DKK2: variants seen among roughly 807,000 people sequenced by gnomAD.
The protein encoded by DKK2 is dickkopf Wnt signaling pathway inhibitor 2.
A neutral mutation model predicts 28.1 loss-of-function variants in DKK2; 11 were observed. That is an observed-to-expected ratio of 0.39 (90% CI 0.25 to 0.65). The LOEUF is 0.65. Ranked by LOEUF, DKK2 falls within the 30% of genes least tolerant of loss-of-function variation. The pLI is 0.47. For synonymous variants in DKK2, 135 were observed against 126.5 expected, an observed-to-expected ratio of 1.07 and a Z score of -0.45; for missense variants, 326 against 335.5, an observed-to-expected ratio of 0.97 and a Z score of 0.22.
intron 1 of DKK2, among the ~76,000 whole-genome samples, chr4:106,937,193 C>T (rs1217720075): frequency 2.7e-5 from 4 of 148,432 alleles, no homozygotes; most frequent in Non-Finnish European, 4.5e-5. Flanking sequence ...AGAGTCAAAA[C>T]CCATCAGTGT....
chr4:106,967,061 C>T (rs545657823), intron 1 of DKK2, among the ~76,000 whole-genome samples: 3 of 152,176 alleles, frequency 2.0e-5, no homozygotes, highest in Admixed American at 2.0e-4. Flanking sequence ...TTTACAGTTA[C>T]TAATAGGATA....
chr4:106,966,644 G>C (rs1173443230), intron 1 of DKK2, among the ~76,000 whole-genome samples: 1 of 152,080 alleles, frequency 6.6e-6, no homozygotes, highest in Non-Finnish European at 1.5e-5. Flanking sequence ...TTCTCTGGAG[G>C]CTGCCTCTGA....
At chr4:106,945,645 G>T (rs373120954) in intron 1 of DKK2, among the ~76,000 whole-genome samples, 1 of 152,242 alleles carries the variant, frequency 6.6e-6, no homozygotes, top group African/African-American at 2.4e-5. Flanking sequence ...AGAAAAACAT[G>T]TTTGGATGTA....
At chr4:106,939,263 G>A (rs1724652081) in intron 1 of DKK2, among the ~76,000 whole-genome samples, 1 of 152,154 alleles carries the variant, frequency 6.6e-6, no homozygotes, top group African/African-American at 2.4e-5. Flanking sequence ...CTTCAGCAAA[G>A]TCTCGGGATA....
intron 1 of DKK2, among the ~76,000 whole-genome samples, chr4:106,999,992 T>C (rs1323196102): frequency 6.6e-6 from 1 of 151,992 alleles, no homozygotes; most frequent in African/African-American, 2.4e-5. Context: ...CAAAAAGAAG[T>C]ATAGAAAGAT....
chr4:106,979,818 T>C (rs941962852), intron 1 of DKK2, among the ~76,000 whole-genome samples: 3 of 152,254 alleles, frequency 2.0e-5, no homozygotes, highest in Admixed American at 1.3e-4. Flanking sequence ...TTCTGTCTTT[T>C]CTCATACATC....
At chr4:106,974,184 A>C (rs1005797754) in intron 1 of DKK2, among the ~76,000 whole-genome samples, 1 of 152,094 alleles carries the variant, frequency 6.6e-6, no homozygotes, top group Non-Finnish European at 1.5e-5. Flanking sequence ...TGATGCCTCC[A>C]GTTTTCTTCT....
At chr4:106,982,425 A>C (rs1723039839) in intron 1 of DKK2, among the ~76,000 whole-genome samples, 1 of 152,196 alleles carries the variant, frequency 6.6e-6, no homozygotes, top group East Asian at 1.9e-4. Context: ...AACACACCCA[A>C]ACAGAAAGAA....
chr4:107,024,346 G>T (rs181782507), intron 1 of DKK2, among the ~76,000 whole-genome samples: 284 of 152,222 alleles, frequency 1.9e-3, no homozygotes, highest in Non-Finnish European at 2.9e-3. Context: ...AAAGCTGTTT[G>T]TAGCCTGCCT....
intron 1 of DKK2, among the ~76,000 whole-genome samples, chr4:107,000,707 T>C (rs529785485): frequency 5.7e-4 from 87 of 152,308 alleles, no homozygotes; most frequent in African/African-American, 2.0e-3. Context: ...CAAATACCTA[T>C]GGTCCTTTAC....
chr4:107,028,045 C>T (rs1198698812), intron 1 of DKK2, among the ~76,000 whole-genome samples: 1 of 152,188 alleles, frequency 6.6e-6, no homozygotes, highest in African/African-American at 2.4e-5. Flanking sequence ...AGCCACCGCG[C>T]CCTGCCATGA....
intron 1 of DKK2, among the ~76,000 whole-genome samples, chr4:107,008,171 T>C (rs1375114061): frequency 6.6e-6 from 1 of 152,166 alleles, no homozygotes; most frequent in Non-Finnish European, 1.5e-5. Context: ...GAATCATATT[T>C]CATGGTTGAG....
intron 1 of DKK2, among the ~76,000 whole-genome samples, chr4:106,928,156 T>C (rs995150316): frequency 6.6e-6 from 1 of 152,172 alleles, no homozygotes; most frequent in African/African-American, 2.4e-5. Context: ...GACAAATATC[T>C]GATGCAGATG....
intron 1 of DKK2, among the ~76,000 whole-genome samples, chr4:106,934,058 TACACACACACAC>T (rs148355721): frequency 7.1e-5 from 10 of 140,742 alleles, no homozygotes; most frequent in South Asian, 4.6e-4. Flanking sequence ...TACACACAGA[TACACACACACAC>T]ACACACACAC....
At chr4:106,925,369 C>T (rs1394249561) in intron 2 of DKK2, among the ~76,000 whole-genome samples, 1 of 152,194 alleles carries the variant, frequency 6.6e-6, no homozygotes, top group Non-Finnish European at 1.5e-5. Flanking sequence ...TGCTGCATCT[C>T]CCTTTGGAGG....
At chr4:106,998,900 T>C (rs1328014424) in intron 1 of DKK2, among the ~76,000 whole-genome samples, 1 of 152,190 alleles carries the variant, frequency 6.6e-6, no homozygotes, top group Non-Finnish European at 1.5e-5. Flanking sequence ...CTGATAAAAA[T>C]AGCTCACTGA....
intron 1 of DKK2, among the ~76,000 whole-genome samples, chr4:106,930,214 AATG>A (rs1724483082): frequency 1.3e-5 from 2 of 152,200 alleles, no homozygotes; most frequent in Non-Finnish European, 2.9e-5. Context: ...TAATGAAAAT[AATG>A]ATAATTAAAT....
intron 1 of DKK2, among the ~76,000 whole-genome samples, chr4:106,967,852 G>A (rs1389135310): frequency 6.6e-6 from 1 of 150,862 alleles, no homozygotes; most frequent in Non-Finnish European, 1.5e-5. Context: ...GAAAGAAGAG[G>A]GCAAGGGAAG....
intron 1 of DKK2, among the ~76,000 whole-genome samples, chr4:107,001,506 A>C (rs1343673202): frequency 6.6e-6 from 1 of 152,182 alleles, no homozygotes; most frequent in Non-Finnish European, 1.5e-5. Flanking sequence ...TGCATTAAGG[A>C]AATAGCTTTT....
Sources: gnomAD v4.1 joint callset for allele counts (sites outside exome capture counted in the v4.1 genomes callset) on GRCh38, gnomAD v4.1.1 for gene constraint, MANE v1.5 for transcripts, NCBI Gene and HGNC (gene_info 2026-07-23, HGNC 2026-07-21) for gene names.